The following PABPC1 variants were observed in gnomAD, a reference collection of about 807,000 sequenced individuals.
PABPC1 encodes poly(A) binding protein cytoplasmic 1.
In PABPC1, 4 loss-of-function variants were observed where a neutral mutation model predicts 74.0. That is an observed-to-expected ratio of 0.05 (90% CI 0.03 to 0.12). PABPC1 has a LOEUF of 0.12. Among genes scored for constraint, PABPC1 ranks in the 10% least tolerant of loss-of-function variants. PABPC1 has a pLI of 1.00. For missense variants in PABPC1, 271 were observed against 821.1 expected (o/e 0.33, Z 8.19); for synonymous variants, 227 against 264.1 (o/e 0.86, Z 1.36).
In PABPC1 at chr8:100,709,066, A is replaced by C. The variant is rs138070800; in HGVS notation, c.1336+67T>G. The C allele has an allele frequency of 2.3e-4, 263 of 1,153,110 alleles. 1 individual carries two copies. The African/African-American group carries it at 3.4e-3, about 15-fold the overall frequency. The allele number at this position is 1,153,110 out of a possible 1,614,324, so 71.4% of individuals were successfully genotyped here. On this transcript the variant is annotated intron_variant, in intron 9 of 14. Coordinates refer to ENST00000318607, the MANE Select transcript of PABPC1 (RefSeq NM_002568.4). ...AGTTAACCTAACATTGACATAGAAG[A>C]GCTGATTTACCCAATGTGTTATTTT...
rs866023452 is a variant in PABPC1 at position 100,722,038 on chromosome 8, G to C, written c.-455C>G. ...TTTTAATAATAAATGTGTGTTCCGA[G>C]CCCGGAGCACACACTCCGCACTCTC... On this transcript the variant is annotated 5_prime_UTR_variant, in exon 1 of 15. Transcript: ENST00000318607. 6.5e-6 allele frequency: 1 copy of C among 153,192 alleles called. No individual in the cohort carries two copies. Among genetic ancestry groups the C allele is most frequent in the Non-Finnish European group, 1.5e-5 (1 of 68,442 alleles). 9.5% of individuals were successfully genotyped at this position (153,192 alleles called of 1,614,324 possible). A position where few individuals can be genotyped will look rare whatever the true frequency, so the allele number is the denominator to read the frequency against.
intron 3 of PABPC1, among the ~76,000 whole-genome samples, chr8:100,717,339 GTAC>G (rs1810697730): frequency 6.6e-6 from 1 of 152,140 alleles, no homozygotes; most frequent in African/African-American, 2.4e-5. Flanking sequence ...TCATTTTACA[GTAC>G]ATAAAAGCAA....
Position 100,718,148 on chromosome 8 carries a change from GA to G in PABPC1, c.325del (p.Ser109ProfsTer50), listed in dbSNP as rs1456355570. On this transcript the variant is annotated frameshift_variant, in exon 2 of 15. Coordinates refer to ENST00000318607, the MANE Select transcript of PABPC1 (RefSeq NM_002568.4). LOFTEE classifies it high-confidence loss of function. ...GNIFIKNLDK[S>X]IDNKALYDTF... is the part of the protein sequence containing the mutation. ...ATCATACAGTGCTTTATTATCAATG[GA>G]TTTGTCCAGATTTTTAATGAATATG... 6.2e-7 allele frequency: 1 copy of G among 1,614,034 alleles called. No homozygotes were observed. Among genetic ancestry groups the G allele is most frequent in the Non-Finnish European group, 8.5e-7 (1 of 1,180,016 alleles).
intron 12 of PABPC1, 112 bp downstream of exon 12, chr8:100,705,477 C>G (rs1810356374): frequency 1.3e-6 from 1 of 745,094 alleles, no homozygotes; most frequent in East Asian, 2.7e-5. Flanking sequence ...ATCATTCATG[C>G]CAATTCAGAT....
At chr8:100,704,054 CAAA>C (rs34116624) in intron 14 of PABPC1, 32,397 of 175,086 alleles carry the variant, frequency 0.19, 1,321 homozygotes, top group Admixed American at 0.29. Flanking sequence ...AACTCCATCT[CAAA>C]AAAAAAAAAA....
At position 100,712,365 on chromosome 8, in the gene PABPC1, T is replaced by C. The variant is rs148793060; in HGVS notation, c.969A>G (p.Ala323=). Residue 323 remains alanine (A), a synonymous_variant, in exon 7 of 15, where the codon GCA becomes GCG. Transcript: ENST00000318607. ...EFSPFGTITS[A]KVMMEGGRSK... is the part of the protein sequence containing the mutation. The stretch of plus-strand genomic sequence containing the variant: ...AATGAACCATATGTTTTCTTACCTT[T>C]GCACTAGTGATTGTACCAAATGGAG... 4.5e-6 allele frequency: 7 copies of C among 1,567,600 alleles called. No homozygotes were observed. In the South Asian group the frequency reaches 4.6e-5, roughly 10 times the overall value.
chr8:100,712,253 C>T (rs549851037), intron 7 of PABPC1, 109 bp downstream of exon 7: 6 of 630,908 alleles, frequency 9.5e-6, no homozygotes, highest in African/African-American at 3.7e-5. Context: ...TTAGAAGTAA[C>T]GAAGCAAACA....
At chr8:100,713,948 A>G (rs1426464004) in intron 4 of PABPC1, among the ~76,000 whole-genome samples, 3 of 152,210 alleles carry the variant, frequency 2.0e-5, no homozygotes, top group Non-Finnish European at 2.9e-5. Flanking sequence ...TTTTAAAGAC[A>G]CAGGTGAACT....
In PABPC1 at chr8:100,710,336, C is replaced by T. The variant is rs912184397; in HGVS notation, c.973-605G>A. Among the ~76,000 whole-genome samples, 3 of 152,204 alleles carry T rather than the reference C, an allele frequency of 2.0e-5. 1 individual carries two copies. Reference sequence around the variant, plus strand: ...TGCAAAGAACCACTCGCTAGGCCAGCAATATATATAAGCATGCTATAAAAC... The same window carrying T: ...TGCAAAGAACCACTCGCTAGGCCAGTAATATATATAAGCATGCTATAAAAC... On this transcript the variant is annotated intron_variant, in intron 7 of 14. Transcript: ENST00000318607.
At chr8:100,705,188 T>C (rs994168229) in intron 12 of PABPC1, 132 bp from the exon 13 acceptor site, 20 of 701,602 alleles carry the variant, frequency 2.9e-5, no homozygotes, top group African/African-American at 1.8e-5. Context: ...ATCCACAATT[T>C]CATTATGTCT....
intron 4 of PABPC1, among the ~76,000 whole-genome samples, chr8:100,713,925 G>A (rs1388396886): frequency 6.6e-6 from 1 of 151,790 alleles, no homozygotes; most frequent in Non-Finnish European, 1.5e-5. Flanking sequence ...GAAAGACAGG[G>A]AAAAAAAATT....
intron 6 of PABPC1, 79 bp from the exon 7 acceptor site, chr8:100,712,536 A>G (rs889649851): frequency 6.8e-6 from 10 of 1,459,972 alleles, no homozygotes; most frequent in African/African-American, 1.4e-5. Flanking sequence ...ATTTTACCCC[A>G]TATTTCTTCT....
rs188860673 is a variant in PABPC1 at position 100,704,305 on chromosome 8, G to A, written c.1904C>T (p.Thr635Ile). 6.2e-5 allele frequency: 100 copies of A among 1,612,828 alleles called. No individual in the cohort carries two copies. Among genetic ancestry groups the A allele is most frequent in the Non-Finnish European group, 4.5e-5 (53 of 1,178,852 alleles). The change falls in exon 14 of 15, where the codon ACT (threonine) becomes ATT (isoleucine). Residue 635 changes from threonine (T) to isoleucine (I), a missense_variant. By Grantham distance (89) the Thr-to-Ile change is moderately conservative (BLOSUM62 -1). Transcript: ENST00000318607. ...CAGAGGGAAAAGCTCACTTTAAACA[G>A]TTGGAACACCGGTGGCACTGTTAAC... ...KAVNSATGVP[T>I]V
rs959752125 is a variant in PABPC1, at chr8:100,709,783, A to G, written c.973-52T>C. Reference sequence around the variant, plus strand: ...AACGTAATGGTAGAATGAGGAGCAAAAAAAGAGCGTTACAATTTAGACAAT... The same window carrying G: ...AACGTAATGGTAGAATGAGGAGCAAGAAAAGAGCGTTACAATTTAGACAAT... On this transcript the variant is annotated intron_variant, in intron 7 of 14. Coordinates refer to ENST00000318607, the MANE Select transcript of PABPC1 (RefSeq NM_002568.4). 2.3e-5 allele frequency: 35 copies of G among 1,505,320 alleles called. 1 individual carries two copies. Among genetic ancestry groups the G allele is most frequent in the Non-Finnish European group, 9.0e-7 (1 of 1,116,002 alleles). 93.2% of individuals were successfully genotyped at this position (1,505,320 alleles called of 1,614,324 possible).
At position 100,712,359 on chromosome 8, in the gene PABPC1, T is replaced by C. The variant is rs374167973; in HGVS notation, c.972+3A>G. The C allele has an allele frequency of 1.5e-6, 2 of 1,325,166 alleles. No individual in the cohort carries two copies. The highest frequency in any genetic ancestry group is 1.1e-6 in the Non-Finnish European group (1 of 950,012). The allele number at this position is 1,325,166 out of a possible 1,614,324, so 82.1% of individuals were successfully genotyped here. A position where few individuals can be genotyped will look rare whatever the true frequency, so the allele number is the denominator to read the frequency against. On this transcript the variant is annotated splice_donor_region_variant and intron_variant, in intron 7 of 14. Transcript: ENST00000318607. ...CAAATAAATGAACCATATGTTTTCT[T>C]ACCTTTGCACTAGTGATTGTACCAA... is the stretch of plus-strand genomic sequence containing the variant.
intron 1 of PABPC1, among the ~76,000 whole-genome samples, chr8:100,718,784 C>A (rs1303364779): frequency 6.6e-6 from 1 of 152,100 alleles, no homozygotes; most frequent in African/African-American, 2.4e-5. Flanking sequence ...AAAACTAGTC[C>A]ATTTCCTAAA....
In PABPC1 at chr8:100,721,636, G is replaced by A. The variant is rs1810835299; in HGVS notation, c.-53C>T. Reference sequence around the variant, plus strand: ...GGCCGCGACCTTTCCGTGAGAGGAGGAGAGCGAGTGCCGGGGCTGGGGGCC... The same window carrying A: ...GGCCGCGACCTTTCCGTGAGAGGAGAAGAGCGAGTGCCGGGGCTGGGGGCC... On this transcript the variant is annotated 5_prime_UTR_variant, in exon 1 of 15. Transcript: ENST00000318607. The surrounding 1 kb of genome is among the most constrained non-coding windows in gnomAD (Gnocchi z 7.4). 1 of 1,363,214 alleles carries A rather than the reference G, an allele frequency of 7.3e-7. No homozygotes were observed. The highest frequency in any genetic ancestry group is 9.7e-7 in the Non-Finnish European group (1 of 1,035,014). 84.4% of individuals were successfully genotyped at this position (1,363,214 alleles called of 1,614,324 possible).
chr8:100,704,781 A>G (rs749505494), intron 13 of PABPC1, 145 bp downstream of exon 13: 43 of 816,166 alleles, frequency 5.3e-5, no homozygotes, highest in Non-Finnish European at 7.2e-5. Flanking sequence ...AATGGGGATA[A>G]ATAGCGCCAC....
At chr8:100,715,055 T>C (rs1378662895) in intron 4 of PABPC1, among the ~76,000 whole-genome samples, 2 of 150,132 alleles carry the variant, frequency 1.3e-5, no homozygotes, top group Non-Finnish European at 2.9e-5. Flanking sequence ...TATTGTTCTA[T>C]GAGACTGCAT....
Sources: allele counts gnomAD v4.1 joint callset (sites outside exome capture counted in the v4.1 genomes callset), GRCh38; gene constraint gnomAD v4.1.1; non-coding constraint Gnocchi (gnomAD v3.1); transcripts MANE v1.5; gene names NCBI Gene and HGNC (gene_info 2026-07-23, HGNC 2026-07-21).